The following PEX7 variants were observed in gnomAD, a reference collection of about 807,000 sequenced individuals.
PEX7 encodes the protein PTS2 receptor.
In PEX7, 34 loss-of-function variants were observed where a neutral mutation model predicts 47.5. The observed-to-expected ratio is 0.72, with a 90% CI of 0.54 to 0.95. PEX7 has a LOEUF of 0.95. PEX7 is among the 40% of genes least tolerant of loss of function. The probability of loss-of-function intolerance (pLI) is 0.00; values close to 1 mark genes in which losing one functional copy is unlikely to be tolerated. For missense variants in PEX7, 394 were observed against 400.3 expected, an observed-to-expected ratio of 0.98 and a Z score of 0.13; for synonymous variants, 141 against 148.8, an observed-to-expected ratio of 0.95 and a Z score of 0.38.
chr6:136,857,435 A>G (rs1177861410), intron 5 of PEX7, among the ~76,000 whole-genome samples: 6 of 152,218 alleles, frequency 3.9e-5, no homozygotes, highest in African/African-American at 7.2e-5. Flanking sequence ...TTGAATGTCC[A>G]TCATTTATTG....
chr6:136,877,505 G>C (rs1327170682), intron 8 of PEX7, among the ~76,000 whole-genome samples: 3 of 152,160 alleles, frequency 2.0e-5, no homozygotes, highest in Non-Finnish European at 4.4e-5. Context: ...GTGTAAGGAA[G>C]GTGTCCAGTT....
intron 2 of PEX7, 47 bp from the exon 3 acceptor site, chr6:136,826,272 C>T (rs1431687944): frequency 6.3e-7 from 1 of 1,596,616 alleles, no homozygotes; most frequent in Admixed American, 1.7e-5. Flanking sequence ...GTGTAGCTGC[C>T]TATGTAAGTG....
intron 7 of PEX7, among the ~76,000 whole-genome samples, chr6:136,871,660 G>A (rs1334937833): frequency 6.6e-6 from 1 of 152,104 alleles, no homozygotes; most frequent in African/African-American, 2.4e-5. Flanking sequence ...CTGGGTTAAA[G>A]CAATTCACCT....
At chr6:136,854,080 C>CT in intron 5 of PEX7, among the ~76,000 whole-genome samples, 1 of 151,566 alleles carries the variant, frequency 6.6e-6, no homozygotes, top group Middle Eastern at 3.4e-3. Flanking sequence ...CATAGTTAAC[C>CT]TTTACGGTTA....
At chr6:136,828,885 G>A (rs929178878) in intron 3 of PEX7, among the ~76,000 whole-genome samples, 1 of 152,204 alleles carries the variant, frequency 6.6e-6, no homozygotes, top group Admixed American at 6.5e-5. Flanking sequence ...TATTAAACCA[G>A]TTTTACATCA....
At chr6:136,890,227 T>A (rs1241016718) in intron 8 of PEX7, among the ~76,000 whole-genome samples, 1 of 152,138 alleles carries the variant, frequency 6.6e-6, no homozygotes, top group South Asian at 2.1e-4. Flanking sequence ...TTCAGCAGAG[T>A]CCCTTATCTT....
chr6:136,911,128 T>A (rs547544124), intron 9 of PEX7, among the ~76,000 whole-genome samples: 3 of 152,130 alleles, frequency 2.0e-5, no homozygotes, highest in Non-Finnish European at 2.9e-5. Flanking sequence ...TTTACCCCTT[T>A]CCAATCTCCC....
At chr6:136,875,007 C>T (rs937427606) in intron 8 of PEX7, among the ~76,000 whole-genome samples, 8 of 152,038 alleles carry the variant, frequency 5.3e-5, no homozygotes, top group Non-Finnish European at 4.4e-5. Context: ...GGCGTGGTGG[C>T]ACATGCCTGT....
At chr6:136,823,069 C>G in intron 1 of PEX7, 5 of 985,442 alleles carry the variant, frequency 5.1e-6, no homozygotes, top group Non-Finnish European at 6.0e-6. Context: ...ACCGCGCTGC[C>G]TCCGCCACGT....
At chr6:136,872,690 A>G (rs1185580575) in intron 8 of PEX7, among the ~76,000 whole-genome samples, 1 of 152,190 alleles carries the variant, frequency 6.6e-6, no homozygotes, top group African/African-American at 2.4e-5. Context: ...ATGAACATGT[A>G]TGTGTATATA....
intron 1 of PEX7, among the ~76,000 whole-genome samples, chr6:136,823,541 G>A (rs1334296812): frequency 6.6e-6 from 1 of 152,078 alleles, no homozygotes; most frequent in Non-Finnish European, 1.5e-5. Context: ...CCAGTGAGCT[G>A]AGATCACATC....
At chr6:136,862,932 A>G in intron 5 of PEX7, among the ~76,000 whole-genome samples, 1 of 152,070 alleles carries the variant, frequency 6.6e-6, no homozygotes, top group East Asian at 1.9e-4. Flanking sequence ...CAGGCCAAAC[A>G]CTGGACATCC....
intron 1 of PEX7, chr6:136,823,437 G>A (rs1774123786): frequency 3.1e-5 from 25 of 812,670 alleles, no homozygotes; most frequent in Non-Finnish European, 3.4e-5. Flanking sequence ...CTCAGCCTGT[G>A]GTTAAAGCTG....
intron 3 of PEX7, among the ~76,000 whole-genome samples, chr6:136,826,673 G>T (rs1774199190): frequency 6.6e-6 from 1 of 151,642 alleles, no homozygotes; most frequent in Non-Finnish European, 1.5e-5. Context: ...GAAAAGAAAA[G>T]GTCAGTCTTC....
chr6:136,846,276 G>GA lies in PEX7; in HGVS notation c.526+99dup, dbSNP rs1774599221. 1.2e-5 allele frequency: 7 copies of GA among 607,914 alleles called. 1 individual carries two copies. The highest frequency in any genetic ancestry group is 9.2e-5 in the South Asian group (4 of 43,698). The allele number at this position is 607,914 out of a possible 1,614,324, so 37.7% of individuals were successfully genotyped here. A position where few individuals can be genotyped will look rare whatever the true frequency, so the allele number is the denominator to read the frequency against. On this transcript the variant is annotated intron_variant, in intron 5 of 9. Coordinates refer to ENST00000318471, the MANE Select transcript of PEX7 (RefSeq NM_000288.4). Reference sequence around the variant, plus strand: ...GCGCTGTGTACCTTAGCTTCAGAGAGAAAACAGGAGAATATTACTATTCTT... The same window carrying GA: ...GCGCTGTGTACCTTAGCTTCAGAGAGAAAAACAGGAGAATATTACTATTCTT...
At chr6:136,902,299 CTG>C (rs575406155) in intron 9 of PEX7, among the ~76,000 whole-genome samples, 47 of 152,214 alleles carry the variant, frequency 3.1e-4, no homozygotes, top group African/African-American at 1.1e-3. Flanking sequence ...CTTTAAGGCT[CTG>C]TGTTTTTATA....
At chr6:136,835,508 C>G (rs936900358) in intron 3 of PEX7, among the ~76,000 whole-genome samples, 7 of 152,014 alleles carry the variant, frequency 4.6e-5, no homozygotes, top group African/African-American at 1.2e-4. Flanking sequence ...AGGCTGGTCT[C>G]GAACTCCTGA....
intron 8 of PEX7, among the ~76,000 whole-genome samples, chr6:136,891,225 T>G (rs780731727): frequency 3.3e-4 from 50 of 152,334 alleles, no homozygotes; most frequent in Admixed American, 2.2e-3. Flanking sequence ...CTTTGTGGTA[T>G]GTGGTTCCCG....
chr6:136,881,352 TC>T (rs571144435), intron 8 of PEX7, among the ~76,000 whole-genome samples: 175 of 152,294 alleles, frequency 1.1e-3, no homozygotes, highest in African/African-American at 3.4e-3. Context: ...CTTGGAATCT[TC>T]TCTTTTTGTC....
Sources: allele counts gnomAD v4.1 joint callset (sites outside exome capture counted in the v4.1 genomes callset), GRCh38; gene constraint gnomAD v4.1.1; transcripts MANE v1.5; gene names NCBI Gene and HGNC (gene_info 2026-07-23, HGNC 2026-07-21).